The following PTPN4 variants were observed in gnomAD, a reference collection of about 807,000 sequenced individuals.
PTPN4 encodes the protein tyrosine-protein phosphatase non-receptor type 4.
A neutral mutation model predicts 135.5 loss-of-function variants in PTPN4; 49 were observed. The ratio of observed to expected loss-of-function variants is 0.36; its 90% CI spans 0.29 to 0.46. The LOEUF is 0.46. PTPN4 is among the 20% of genes least tolerant of loss of function. The pLI is 1.00. For synonymous variants in PTPN4, 333 were observed against 369.9 expected, an observed-to-expected ratio of 0.90 and a Z score of 1.14; for missense variants, 860 against 1,101.0, an observed-to-expected ratio of 0.78 and a Z score of 3.10.
At chr2:119,965,326 G>A (rs1347173400) in intron 24 of PTPN4, among the ~76,000 whole-genome samples, 171 bp from the exon 25 acceptor site, 1 of 152,180 alleles carries the variant, frequency 6.6e-6, no homozygotes, top group Admixed American at 6.5e-5. Flanking sequence ...AACCAACTAT[G>A]AGGACGCGGG....
At chr2:119,899,040 C>T (rs1251635088) in intron 9 of PTPN4, among the ~76,000 whole-genome samples, 1 of 152,098 alleles carries the variant, frequency 6.6e-6, no homozygotes, top group Non-Finnish European at 1.5e-5. Context: ...TGCTGTTTCT[C>T]TTTACTGTAG....
intron 10 of PTPN4, among the ~76,000 whole-genome samples, chr2:119,905,224 C>T (rs767082245): frequency 6.6e-6 from 1 of 151,930 alleles, no homozygotes; most frequent in African/African-American, 2.4e-5. Context: ...AAAAGAAGAC[C>T]GAATTCTATG....
chr2:119,861,827 G>A (rs763306299), intron 2 of PTPN4, among the ~76,000 whole-genome samples: 106 of 152,246 alleles, frequency 7.0e-4, no homozygotes, highest in African/African-American at 2.4e-3. Flanking sequence ...ACTTGGGGAA[G>A]TTGTATTTAC....
chr2:119,836,397 A>G (rs1487001414), intron 2 of PTPN4, among the ~76,000 whole-genome samples: 5 of 152,214 alleles, frequency 3.3e-5, no homozygotes, highest in Non-Finnish European at 7.3e-5. Context: ...CCTGTGTAGC[A>G]AGAAAAATTC....
intron 1 of PTPN4, among the ~76,000 whole-genome samples, chr2:119,780,357 A>G (rs1442286968): frequency 6.6e-6 from 1 of 152,176 alleles, no homozygotes; most frequent in African/African-American, 2.4e-5. Context: ...ACACAATAAT[A>G]TTACCTAAAA....
At chr2:119,854,039 AT>A (rs2104981787) in intron 2 of PTPN4, among the ~76,000 whole-genome samples, 1 of 152,148 alleles carries the variant, frequency 6.6e-6, no homozygotes, top group Non-Finnish European at 1.5e-5. Flanking sequence ...AGTCTGTTAT[AT>A]TAGGAGGCTG....
At chr2:119,836,136 C>T (rs1330254904) in intron 2 of PTPN4, among the ~76,000 whole-genome samples, 2 of 151,918 alleles carry the variant, frequency 1.3e-5, no homozygotes, top group African/African-American at 2.4e-5. Context: ...TTTTTAGACA[C>T]TTAAAAATAA....
At position 119,862,588 on chromosome 2, in the gene PTPN4, T is replaced by A; in HGVS notation, c.191T>A (p.Leu64Ter). The change falls in exon 3 of 27, where the codon TTG becomes TAG. Residue 64 changes from leucine (L) to a stop codon, truncating the protein, a stop_gained. Transcript: ENST00000263708. LOFTEE classifies it high-confidence loss of function. ...GATGTCGTCTTCAAGCATCTAGATTTGACTGAGCAGGACTATTTTGGTTTA... is the reference window on the plus strand; with the variant it reads ...GATGTCGTCTTCAAGCATCTAGATTAGACTGAGCAGGACTATTTTGGTTTA... The part of the protein sequence containing the change: ...LLDVVFKHLD[L>*]TEQDYFGLQL... The A allele has an allele frequency of 1.2e-6, 2 of 1,613,478 alleles. No homozygotes were observed. Among genetic ancestry groups the A allele is most frequent in the Non-Finnish European group, 1.7e-6 (2 of 1,179,654 alleles).
intron 1 of PTPN4, among the ~76,000 whole-genome samples, chr2:119,774,226 T>C (rs1434708588): frequency 6.6e-6 from 1 of 152,204 alleles, no homozygotes; most frequent in Non-Finnish European, 1.5e-5. Flanking sequence ...CAGCTAGTGA[T>C]GCTGGAAGTG....
chr2:119,877,412 G>A lies in PTPN4; in HGVS notation c.289+47G>A, dbSNP rs142561451. The A allele has an allele frequency of 5.8e-5, 93 of 1,607,570 alleles. No individual in the cohort carries two copies. In the African/African-American group the frequency reaches 1.2e-3, roughly 21 times the overall value. On this transcript the variant is annotated intron_variant, in intron 4 of 26. Transcript: ENST00000263708. ...ATGTTTTGCAAGTTTACTTTATAAA[G>A]ATAAAGGATTAATATAGTCTGATTA... is the stretch of plus-strand genomic sequence containing the variant.
intron 8 of PTPN4, 35 bp from the exon 9 acceptor site, chr2:119,885,760 T>G (rs762482436): frequency 7.2e-7 from 1 of 1,384,592 alleles, no homozygotes; most frequent in Admixed American, 2.3e-5. Context: ...GATTGATTGA[T>G]TGATCTCATT....
intron 1 of PTPN4, among the ~76,000 whole-genome samples, chr2:119,771,315 C>T (rs1690730369): frequency 6.6e-6 from 1 of 152,182 alleles, no homozygotes; most frequent in Non-Finnish European, 1.5e-5. Flanking sequence ...TACCCAATTC[C>T]TGGCCAGGGA....
intron 1 of PTPN4, among the ~76,000 whole-genome samples, chr2:119,795,073 G>A (rs912875117): frequency 1.3e-5 from 2 of 152,062 alleles, no homozygotes; most frequent in Non-Finnish European, 2.9e-5. Context: ...CCTCAGCTCT[G>A]AGCAGAGAGG....
rs1421984645 is a variant in PTPN4 at position 119,847,309 on chromosome 2, C to CATAT, written c.139-15226_139-15225insTATA. The stretch of plus-strand genomic sequence containing the variant: ...ACACACACACACACACACACACACA[C>CATAT]ACACACATATATATATATATTTTTT... On this transcript the variant is annotated intron_variant, in intron 2 of 26. Transcript: ENST00000263708. Among the ~76,000 whole-genome samples the CATAT allele has an allele frequency of 4.8e-4, 47 of 97,398 alleles. No homozygotes were observed. In the South Asian group the frequency reaches 7.3e-3, roughly 15 times the overall value. 63.9% of individuals were successfully genotyped at this position (97,398 alleles called of 152,430 possible).
chr2:119,767,199 T>C (rs10196410), intron 1 of PTPN4, among the ~76,000 whole-genome samples: 52,331 of 151,998 alleles, frequency 0.34, 9,555 homozygotes, highest in African/African-American at 0.46. Context: ...GAATTGTGTT[T>C]AGCCCTTTCC....
At chr2:119,768,193 T>C (rs1690669590) in intron 1 of PTPN4, among the ~76,000 whole-genome samples, 1 of 152,198 alleles carries the variant, frequency 6.6e-6, no homozygotes, top group South Asian at 2.1e-4. Context: ...GGTCAAATTG[T>C]CCCAAATTTG....
chr2:119,873,179 T>TG (rs1040076952), intron 3 of PTPN4, among the ~76,000 whole-genome samples: 5 of 151,278 alleles, frequency 3.3e-5, no homozygotes, highest in African/African-American at 7.3e-5. Flanking sequence ...GTTTTTTTTT[T>TG]TTGTTGTTGT....
intron 23 of PTPN4, among the ~76,000 whole-genome samples, chr2:119,961,329 T>C (rs1177773445): frequency 6.6e-6 from 1 of 152,164 alleles, no homozygotes; most frequent in Admixed American, 6.6e-5. Flanking sequence ...GAAAAGGTGC[T>C]CAACATCATT....
chr2:119,887,424 CTT>C (rs1415854244), intron 9 of PTPN4, among the ~76,000 whole-genome samples: 4 of 152,120 alleles, frequency 2.6e-5, no homozygotes, highest in African/African-American at 9.7e-5. Flanking sequence ...GAGTCTAAGG[CTT>C]CTGTAAGCTA....
Sources: allele counts gnomAD v4.1 joint callset (sites outside exome capture counted in the v4.1 genomes callset), GRCh38; gene constraint gnomAD v4.1.1; transcripts MANE v1.5; gene names NCBI Gene and HGNC (gene_info 2026-07-23, HGNC 2026-07-21).